TPD52: variants seen among roughly 807,000 people sequenced by gnomAD.
TPD52 encodes prostate and colon associated protein.
TPD52 carries 17 observed loss-of-function variants against 31.3 expected under a neutral mutation model. That is an observed-to-expected ratio of 0.54 (90% CI 0.37 to 0.82). The LOEUF (loss-of-function observed/expected upper bound fraction) is 0.82, where lower values mean the gene tolerates loss of function less well. Ranked by LOEUF, TPD52 falls within the 40% of genes least tolerant of loss-of-function variation. The pLI is 0.00. For synonymous variants in TPD52, 83 were observed against 89.6 expected, an observed-to-expected ratio of 0.93 and a Z score of 0.42; for missense variants, 212 against 240.1, an observed-to-expected ratio of 0.88 and a Z score of 0.77.
chr8:80,112,652 C>T (rs7011441), intron 1 of TPD52, among the ~76,000 whole-genome samples: 67,422 of 151,760 alleles, frequency 0.44, 15,433 homozygotes, highest in East Asian at 0.79. Context: ...AAAATATAAA[C>T]CAAGTGGAAA....
At chr8:80,097,784 T>G (rs1202552173) in intron 1 of TPD52, among the ~76,000 whole-genome samples, 1 of 152,180 alleles carries the variant, frequency 6.6e-6, no homozygotes, top group Non-Finnish European at 1.5e-5. Context: ...AACAACAGAT[T>G]GTCTATGTAA....
intron 1 of TPD52, among the ~76,000 whole-genome samples, chr8:80,088,265 A>G (rs76345435): frequency 0.16 from 24,436 of 152,220 alleles, 2,182 homozygotes; most frequent in South Asian, 0.29. Flanking sequence ...CTGGCCCTGG[A>G]ACCACATGGG....
At position 80,114,372 on chromosome 8, in the gene TPD52, A is replaced by C. The variant is rs1227594764; in HGVS notation, c.20-49779T>G. Among the ~76,000 whole-genome samples, 3 of 152,224 alleles carry C rather than the reference A, an allele frequency of 2.0e-5. No individual in the cohort carries two copies. In the East Asian group the frequency reaches 5.8e-4, roughly 29 times the overall value. On this transcript the variant is annotated intron_variant, in intron 1 of 7. Coordinates refer to ENST00000518937, the MANE Select transcript of TPD52 (RefSeq NM_001025253.3). ...GCATACTATATGATATACTTATTAC[A>C]CATAGTAATATTGACTGCCTCCTCA...
chr8:80,140,062 G>C (rs1426447438), intron 1 of TPD52, among the ~76,000 whole-genome samples: 2 of 152,198 alleles, frequency 1.3e-5, no homozygotes, highest in Non-Finnish European at 2.9e-5. Flanking sequence ...TTTATGCTAA[G>C]GCCCTGGTGA....
intron 1 of TPD52, among the ~76,000 whole-genome samples, chr8:80,115,425 G>C (rs936554758): frequency 6.6e-6 from 1 of 152,192 alleles, no homozygotes; most frequent in Non-Finnish European, 1.5e-5. Flanking sequence ...CAGAGCAAGA[G>C]AGCAGAAGCT....
Position 80,064,507 on chromosome 8 carries a change from G to C in TPD52, c.106C>G (p.Gln36Glu), listed in dbSNP as rs1248259559. 19 of 1,613,930 alleles carry C rather than the reference G, an allele frequency of 1.2e-5. No individual in the cohort carries two copies. The highest frequency in any genetic ancestry group is 1.6e-5 in the Non-Finnish European group (19 of 1,179,966). The change falls in exon 2 of 8, where the codon CAG becomes GAG. Residue 36 changes from glutamine to glutamate, a missense_variant. Coordinates refer to ENST00000518937, the MANE Select transcript of TPD52 (RefSeq NM_001025253.3). ...SATETLSEEE[Q>E]EELRRELAKV... ...GCAAGTTCTCTTCTTAGCTCTTCCT[G>C]CTCCTCTTCCGAGAGGGTCTCTGTG... is the stretch of plus-strand genomic sequence containing the variant.
At chr8:80,132,227 T>A (rs1809072910) in intron 1 of TPD52, among the ~76,000 whole-genome samples, 3 of 152,108 alleles carry the variant, frequency 2.0e-5, no homozygotes. Context: ...ATTGCTACTG[T>A]TTGTGTGAGG....
At chr8:80,052,729 G>A in intron 3 of TPD52, 3 of 1,234,192 alleles carry the variant, frequency 2.4e-6, no homozygotes, top group Non-Finnish European at 3.2e-6. Flanking sequence ...TAGCATGTGT[G>A]GTCAAAAAGA....
rs527571197 is a variant in TPD52, at chr8:80,042,560, C to T, written c.504+60G>A. On this transcript the variant is annotated intron_variant, in intron 7 of 7. Coordinates refer to ENST00000518937, the MANE Select transcript of TPD52 (RefSeq NM_001025253.3). ...ATTAATGTCAATGATTTTCGCACAG[C>T]AAAGTTAATTAAGACACCAGGCAAT... The T allele has an allele frequency of 2.6e-4, 402 of 1,558,362 alleles. 1 individual carries two copies. In the South Asian group the frequency reaches 4.7e-3, roughly 18 times the overall value.
intron 1 of TPD52, among the ~76,000 whole-genome samples, chr8:80,136,523 CAAAAAAAAAA>C (rs56656428): frequency 3.0e-5 from 2 of 67,080 alleles, no homozygotes; most frequent in East Asian, 6.2e-4. Context: ...GACTCTGTCT[CAAAAAAAAAA>C]AAAAAAAAAA....
At chr8:80,077,384 A>G (rs1814701193) in intron 1 of TPD52, among the ~76,000 whole-genome samples, 1 of 152,120 alleles carries the variant, frequency 6.6e-6, no homozygotes, top group African/African-American at 2.4e-5. Context: ...GCAACAAAAG[A>G]CCCCAGCTGT....
intron 1 of TPD52, among the ~76,000 whole-genome samples, chr8:80,075,323 G>C (rs561051800): frequency 3.3e-5 from 5 of 152,252 alleles, no homozygotes; most frequent in Admixed American, 2.6e-4. Context: ...AGGAGGGGAG[G>C]GGCTGCACTA....
intron 1 of TPD52, among the ~76,000 whole-genome samples, chr8:80,128,135 A>G (rs1397656623): frequency 6.6e-6 from 1 of 152,160 alleles, no homozygotes; most frequent in Admixed American, 6.5e-5. Context: ...AAAAGAAACA[A>G]TTATCTCATA....
At chr8:80,127,635 A>C (rs1266984140) in intron 1 of TPD52, 1 of 152,206 alleles carries the variant, frequency 6.6e-6, no homozygotes, top group Non-Finnish European at 1.5e-5. Context: ...GAGCACTGCC[A>C]AGAAGAAAAA....
intron 1 of TPD52, among the ~76,000 whole-genome samples, chr8:80,106,799 T>A (rs187647588): frequency 1.3e-5 from 2 of 151,042 alleles, no homozygotes; most frequent in East Asian, 3.9e-4. Flanking sequence ...TGAGACCCAA[T>A]TTGGTTCATA....
At chr8:80,092,484 T>C (rs925047933) in intron 1 of TPD52, among the ~76,000 whole-genome samples, 1 of 152,234 alleles carries the variant, frequency 6.6e-6, no homozygotes, top group Non-Finnish European at 1.5e-5. Flanking sequence ...TGCGCGTTTA[T>C]TGAAGCACTA....
intron 2 of TPD52, among the ~76,000 whole-genome samples, chr8:80,054,021 C>T (rs1159018208): frequency 1.3e-5 from 2 of 152,198 alleles, no homozygotes; most frequent in African/African-American, 4.8e-5. Flanking sequence ...GATCCCTGCT[C>T]TCAAGGGTTT....
At chr8:80,069,943 T>C (rs1813585308) in intron 1 of TPD52, among the ~76,000 whole-genome samples, 1 of 152,202 alleles carries the variant, frequency 6.6e-6, no homozygotes, top group Admixed American at 6.5e-5. Context: ...AGTCCTGATG[T>C]CACTTTATCT....
At chr8:80,156,341 T>C (rs1218657615) in intron 1 of TPD52, among the ~76,000 whole-genome samples, 2 of 152,188 alleles carry the variant, frequency 1.3e-5, no homozygotes, top group South Asian at 2.1e-4. Flanking sequence ...ACAAGCTGTG[T>C]GGCTTTTTAT....
Sources: gnomAD v4.1 joint callset for allele counts (sites outside exome capture counted in the v4.1 genomes callset) on GRCh38, gnomAD v4.1.1 for gene constraint, MANE v1.5 for transcripts, NCBI Gene and HGNC (gene_info 2026-07-23, HGNC 2026-07-21) for gene names.